Variants in SH2D4A observed in about 807,000 individuals in gnomAD.
The protein encoded by SH2D4A is SH2 domain containing 4A, also known as SH2 domain-containing protein 4A.
A neutral mutation model predicts 64.7 loss-of-function variants in SH2D4A; 70 were observed. The ratio of observed to expected loss-of-function variants is 1.08; its 90% CI spans 0.89 to 1.32. The LOEUF (loss-of-function observed/expected upper bound fraction) is 1.32, where lower values mean the gene tolerates loss of function less well. Among genes scored for constraint, SH2D4A ranks in the 40% most tolerant of loss-of-function variants. SH2D4A has a pLI of 0.00. For missense variants in SH2D4A, 706 were observed against 540.1 expected (o/e 1.31, Z -3.04); for synonymous variants, 268 against 200.7 (o/e 1.34, Z -2.83).
chr8:19,320,954 G>T (rs1176216751), intron 2 of SH2D4A, among the ~76,000 whole-genome samples: 1 of 152,222 alleles, frequency 6.6e-6, no homozygotes, highest in Non-Finnish European at 1.5e-5. Context: ...AAGGAGGTCA[G>T]TGTAGCGTCC....
rs993865310 is a variant in SH2D4A at position 19,393,389 on chromosome 8, G to A, written c.1120G>A (p.Val374Ile). 6.2e-6 allele frequency: 10 copies of A among 1,613,938 alleles called. No individual in the cohort carries two copies. In the African/African-American group the frequency reaches 8.0e-5, roughly 13 times the overall value. Reference protein sequence around the residue: ...TGMPGSFLIRVSERIKGYALS... With the variant: ...TGMPGSFLIRISERIKGYALS... ...CATGCCCGGCAGTTTTCTCATCCGAGTCAGTGAAAGGATCAAAGGCTATGC... is the reference window on the plus strand; with the variant it reads ...CATGCCCGGCAGTTTTCTCATCCGAATCAGTGAAAGGATCAAAGGCTATGC... The change falls in exon 9 of 10, where the codon GTC becomes ATC. Residue 374 changes from valine to isoleucine, a missense_variant. By Grantham distance (29) the Val-to-Ile change is conservative. Transcript: ENST00000265807.
At chr8:19,331,156 G>C (rs1348819222) in intron 2 of SH2D4A, among the ~76,000 whole-genome samples, 3 of 152,226 alleles carry the variant, frequency 2.0e-5, no homozygotes, top group Non-Finnish European at 4.4e-5. Context: ...AGGGTCAAAA[G>C]AAAGCACGAG....
At chr8:19,349,709 T>C (rs2052666903) in intron 4 of SH2D4A, among the ~76,000 whole-genome samples, 1 of 152,216 alleles carries the variant, frequency 6.6e-6, no homozygotes, top group African/African-American at 2.4e-5. Flanking sequence ...CATAAAAGTG[T>C]TTTGTAAAGC....
intron 1 of SH2D4A, among the ~76,000 whole-genome samples, chr8:19,317,695 A>G (rs1356475049): frequency 6.6e-6 from 1 of 152,180 alleles, no homozygotes; most frequent in African/African-American, 2.4e-5. Flanking sequence ...TGAGAGGGGC[A>G]TTACAAATCT....
At chr8:19,357,309 G>C (rs201348960) in intron 5 of SH2D4A, 26 bp downstream of exon 5, 5 of 1,520,956 alleles carry the variant, frequency 3.3e-6, no homozygotes, top group East Asian at 2.3e-5. Context: ...TCTGTCCTCC[G>C]GGGGCTGCAT....
At chr8:19,382,859 C>G (rs1159303679) in intron 8 of SH2D4A, among the ~76,000 whole-genome samples, 2 of 91,086 alleles carry the variant, frequency 2.2e-5, no homozygotes, top group African/African-American at 8.4e-5. Context: ...GAGACAGGGT[C>G]TCACTCTGTC....
At chr8:19,364,406 A>G in intron 7 of SH2D4A, 124 bp downstream of exon 7, 3 of 1,050,452 alleles carry the variant, frequency 2.9e-6, no homozygotes, top group Non-Finnish European at 4.1e-6. Flanking sequence ...AGCCTGTGTA[A>G]GTAGCTCAGG....
At chr8:19,333,511 C>T (rs989188559) in intron 3 of SH2D4A, among the ~76,000 whole-genome samples, 26 of 152,096 alleles carry the variant, frequency 1.7e-4, no homozygotes, top group African/African-American at 6.3e-4. Context: ...GTATCAGGAA[C>T]ATATGTGAGA....
chr8:19,390,873 G>C (rs1267943406), intron 8 of SH2D4A, among the ~76,000 whole-genome samples: 1 of 152,162 alleles, frequency 6.6e-6, no homozygotes, highest in East Asian at 1.9e-4. Context: ...AAAGGAATTT[G>C]ACCTTACTTA....
At chr8:19,371,280 T>A (rs1166439783) in intron 7 of SH2D4A, among the ~76,000 whole-genome samples, 1 of 152,154 alleles carries the variant, frequency 6.6e-6, no homozygotes, top group Non-Finnish European at 1.5e-5. Flanking sequence ...TTCCCTCAGC[T>A]TTTGTTTGTG....
At chr8:19,316,159 G>C (rs1281763784) in intron 1 of SH2D4A, among the ~76,000 whole-genome samples, 2 of 152,020 alleles carry the variant, frequency 1.3e-5, no homozygotes, top group African/African-American at 4.8e-5. Context: ...AGCAGTGGCA[G>C]AATGGCCACA....
rs1006276935 is a variant in SH2D4A, at chr8:19,390,512, G to T, written c.1049-2806G>T. Among the ~76,000 whole-genome samples the T allele has an allele frequency of 9.9e-5, 15 of 152,160 alleles. 1 individual carries two copies. The highest frequency in any genetic ancestry group is 1.8e-4 in the Non-Finnish European group (12 of 68,016). On this transcript the variant is annotated intron_variant, in intron 8 of 9. Transcript: ENST00000265807. ...CCAGGACACCCCAAATGCACACAGTGCCCCTGATGGATTCATGACAGATGG... is the reference window on the plus strand; with the variant it reads ...CCAGGACACCCCAAATGCACACAGTTCCCCTGATGGATTCATGACAGATGG...
intron 7 of SH2D4A, among the ~76,000 whole-genome samples, chr8:19,365,912 G>C (rs947865265): frequency 6.6e-6 from 1 of 151,240 alleles, no homozygotes; most frequent in South Asian, 2.1e-4. Context: ...AACTTCGTAT[G>C]TGTGCAGTGT....
chr8:19,367,432 C>A (rs1470259523), intron 7 of SH2D4A, among the ~76,000 whole-genome samples: 2 of 152,096 alleles, frequency 1.3e-5, no homozygotes, highest in Non-Finnish European at 2.9e-5. Context: ...TTTTTGATAA[C>A]CAAAAATAAA....
chr8:19,369,483 G>A (rs546081770), intron 7 of SH2D4A, among the ~76,000 whole-genome samples: 2 of 151,908 alleles, frequency 1.3e-5, no homozygotes, highest in South Asian at 2.1e-4. Flanking sequence ...TTTTTGATAG[G>A]ACACTTTATT....
intron 4 of SH2D4A, among the ~76,000 whole-genome samples, chr8:19,348,371 A>G (rs11779899): frequency 0.024 from 3,607 of 152,260 alleles, 84 homozygotes; most frequent in Middle Eastern, 0.065. Context: ...TGCTGGGATT[A>G]CAGTTCACTT....
chr8:19,365,804 C>CAG (rs111285333), intron 7 of SH2D4A, among the ~76,000 whole-genome samples: 14,668 of 152,026 alleles, frequency 0.096, 2,293 homozygotes, highest in African/African-American at 0.33. Flanking sequence ...CAGGAAAAGA[C>CAG]AGACCGGCTC....
chr8:19,343,397 C>T (rs1285473367), intron 4 of SH2D4A, among the ~76,000 whole-genome samples: 1 of 152,088 alleles, frequency 6.6e-6, no homozygotes, highest in East Asian at 1.9e-4. Context: ...CACACCATTG[C>T]ACTCTAGGCT....
At chr8:19,328,253 G>C (rs1419765708) in intron 2 of SH2D4A, among the ~76,000 whole-genome samples, 2 of 152,000 alleles carry the variant, frequency 1.3e-5, no homozygotes, top group Non-Finnish European at 1.5e-5. Context: ...GGCTAATCTC[G>C]GCCTCACTTC....
Sources: gnomAD v4.1 joint callset for allele counts (sites outside exome capture counted in the v4.1 genomes callset) on GRCh38, gnomAD v4.1.1 for gene constraint, MANE v1.5 for transcripts, NCBI Gene and HGNC (gene_info 2026-07-23, HGNC 2026-07-21) for gene names.